Variants in ZNF837 observed in about 807,000 individuals in gnomAD.
ZNF837 encodes zinc finger protein 837.
For missense variants in ZNF837, 955 were observed against 801.7 expected (o/e 1.19, Z -2.31); for synonymous variants, 475 against 365.2 (o/e 1.30, Z -3.43).
intron 1 of ZNF837, among the ~76,000 whole-genome samples, chr19:58,375,755 C>T (rs1599926486): frequency 3.5e-5 from 5 of 141,108 alleles, no homozygotes; most frequent in Admixed American, 7.1e-5. Flanking sequence ...TGATTTATAT[C>T]TTTTTTTTTT....
chr19:58,369,247 G>T lies in ZNF837; in HGVS notation c.86C>A (p.Pro29His). ...QGASGAREKR[P>H]EEPRPLEEDR... ...CTCTTCGAGGGGCCTCGGCTCCTCGGGCCTCTTCTCCCGGGCCCCGGAGGC... is the reference window on the plus strand; with the variant it reads ...CTCTTCGAGGGGCCTCGGCTCCTCGTGCCTCTTCTCCCGGGCCCCGGAGGC... Residue 29 changes from proline (P) to histidine (H), a missense_variant, in exon 3 of 3, where the codon CCC (proline) becomes CAC (histidine). Pro to His is a moderately conservative substitution (Grantham distance 77). Transcript: ENST00000597582. The T allele has an allele frequency of 7.1e-7, 1 of 1,418,242 alleles. No individual in the cohort carries two copies. Among genetic ancestry groups the T allele is most frequent in the South Asian group, 1.5e-5 (1 of 65,456 alleles). 87.9% of individuals were successfully genotyped at this position (1,418,242 alleles called of 1,614,324 possible). A position where few individuals can be genotyped will look rare whatever the true frequency, so the allele number is the denominator to read the frequency against.
At chr19:58,380,420 G>A (rs1031317844) in intron 1 of ZNF837, among the ~76,000 whole-genome samples, 1 of 152,248 alleles carries the variant, frequency 6.6e-6, no homozygotes, top group Non-Finnish European at 1.5e-5. Context: ...ATGAACAAGA[G>A]ACCGTTTAAG....
At chr19:58,380,253 A>C (rs1368578760) in intron 1 of ZNF837, among the ~76,000 whole-genome samples, 1 of 152,236 alleles carries the variant, frequency 6.6e-6, no homozygotes. Flanking sequence ...CTCTGAGTGC[A>C]GGCACAGCTC....
intron 1 of ZNF837, 90 bp downstream of exon 1, chr19:58,380,851 G>C (rs1355122375): frequency 1.3e-5 from 2 of 152,302 alleles, no homozygotes; most frequent in African/African-American, 2.4e-5. Flanking sequence ...CGCGGAGGTG[G>C]AGAGGGGACT....
At chr19:58,376,814 T>C (rs1008147232) in intron 1 of ZNF837, among the ~76,000 whole-genome samples, 16 of 152,010 alleles carry the variant, frequency 1.1e-4, no homozygotes, top group African/African-American at 3.9e-4. Context: ...GTGTAGTGGC[T>C]TATGCCTATA....
Position 58,370,875 on chromosome 19 carries a change from A to G in ZNF837, c.-139-947T>C, listed in dbSNP as rs544069116. 2.0e-5 allele frequency among the ~76,000 whole-genome samples: 3 copies of G among 151,246 alleles called. No individual in the cohort carries two copies. In the South Asian group the frequency reaches 6.3e-4, roughly 32 times the overall value. Reference sequence around the variant, plus strand: ...GCACCATTGCACTCCAGCCTGGGCAACAAAAGTGAAACTCTTTCAAAAAAA... The same window carrying G: ...GCACCATTGCACTCCAGCCTGGGCAGCAAAAGTGAAACTCTTTCAAAAAAA... On this transcript the variant is annotated intron_variant, in intron 1 of 2. Transcript: ENST00000597582.
chr19:58,371,663 C>G (rs1205599086), intron 1 of ZNF837, among the ~76,000 whole-genome samples: 1 of 152,172 alleles, frequency 6.6e-6, no homozygotes, highest in Non-Finnish European at 1.5e-5. Flanking sequence ...TCAGATTCTT[C>G]TCCTTTTGTC....
intron 1 of ZNF837, among the ~76,000 whole-genome samples, chr19:58,370,950 G>T (rs1375765208): frequency 2.7e-3 from 3 of 1,116 alleles, no homozygotes; most frequent in Non-Finnish European, 7.6e-3. Context: ...GGTGAAGGCC[G>T]GGGGGGGGGA....
At chr19:58,377,865 C>G (rs549338018) in intron 1 of ZNF837, among the ~76,000 whole-genome samples, 49 of 152,318 alleles carry the variant, frequency 3.2e-4, no homozygotes, top group Non-Finnish European at 6.5e-4. Flanking sequence ...AGGCTGCCTG[C>G]TGGCTCCCAA....
At position 58,367,789 on chromosome 19, in the gene ZNF837, C is replaced by G. The variant is rs560569593; in HGVS notation, c.1544G>C (p.Arg515Pro). 3.3e-6 allele frequency: 5 copies of G among 1,536,166 alleles called. No homozygotes were observed. In the South Asian group the frequency reaches 4.8e-5, roughly 15 times the overall value. Residue 515 changes from arginine to proline, a missense_variant, in exon 3 of 3, where the codon CGC (arginine) becomes CCC (proline). Transcript: ENST00000597582. ...CGDCGRAFSQ[R>P]SNLNEHRKRH... ...CTTCCGGTGCTCGTTGAGGTTGGAG[C>G]GTTGGCTGAAGGCGCGGCCGCAATC...
At position 58,368,592 on chromosome 19, in the gene ZNF837, T is replaced by TG. The variant is rs1344847923; in HGVS notation, c.740dup (p.Val248SerfsTer4). On this transcript the variant is annotated frameshift_variant, in exon 3 of 3. Coordinates refer to ENST00000597582, the MANE Select transcript of ZNF837 (RefSeq NM_138466.2). LOFTEE classifies it low-confidence loss of function (END_TRUNC). Reference sequence around the variant, plus strand: ...AGGTTTGGCCGCACTCAGGACACACTGGGGGACTCTTGCCCGCCTGCTGCT... The same window carrying TG: ...AGGTTTGGCCGCACTCAGGACACACTGGGGGGACTCTTGCCCGCCTGCTGCT... 8.5e-6 allele frequency: 13 copies of TG among 1,535,368 alleles called. No homozygotes were observed. In the African/African-American group the frequency reaches 1.1e-4, roughly 13 times the overall value.
chr19:58,367,702 G>A lies in ZNF837; in HGVS notation c.*35C>T, dbSNP rs756187348. 2.0e-6 allele frequency: 3 copies of A among 1,466,094 alleles called. No homozygotes were observed. Among genetic ancestry groups the A allele is most frequent in the African/African-American group, 2.9e-5 (2 of 69,802 alleles). 90.8% of individuals were successfully genotyped at this position (1,466,094 alleles called of 1,614,324 possible). The stretch of plus-strand genomic sequence containing the variant: ...AAGGCCCCTCCTCGACGCAGGGTTC[G>A]CTTGGGCGACGCGTCGACTCTCGGC... On this transcript the variant is annotated 3_prime_UTR_variant, in exon 3 of 3. Transcript: ENST00000597582.
At position 58,367,930 on chromosome 19, in the gene ZNF837, A is replaced by G. The variant is rs2052151619; in HGVS notation, c.1403T>C (p.Leu468Pro). Residue 468 changes from leucine to proline, a missense_variant, in exon 3 of 3, where the codon CTG becomes CCG. Physicochemically the swap from Leu to Pro is moderately conservative, Grantham distance 98 (BLOSUM62 -3). Transcript: ENST00000597582. ...GCSELRQHER[L>P]HSGEKPYICR... Reference sequence around the variant, plus strand: ...GATGTAGGGCTTCTCGCCCGAGTGCAGGCGCTCGTGCTGGCGCAGCTCGGA... The same window carrying G: ...GATGTAGGGCTTCTCGCCCGAGTGCGGGCGCTCGTGCTGGCGCAGCTCGGA... The G allele has an allele frequency of 2.0e-6, 3 of 1,534,118 alleles. No homozygotes were observed. The highest frequency in any genetic ancestry group is 1.2e-5 in the South Asian group (1 of 83,842).
chr19:58,377,736 C>G (rs1250952293), intron 1 of ZNF837, among the ~76,000 whole-genome samples: 1 of 152,188 alleles, frequency 6.6e-6, no homozygotes, highest in Non-Finnish European at 1.5e-5. Context: ...GGCACACACC[C>G]AAGGGCACTG....
chr19:58,371,181 C>T (rs1308561826), intron 1 of ZNF837, among the ~76,000 whole-genome samples: 1 of 147,674 alleles, frequency 6.8e-6, no homozygotes, highest in African/African-American at 2.5e-5. Flanking sequence ...GCGGAGCTTG[C>T]AGTGAGCCGA....
At chr19:58,376,044 G>C (rs1248805183) in intron 1 of ZNF837, among the ~76,000 whole-genome samples, 3 of 151,662 alleles carry the variant, frequency 2.0e-5, no homozygotes, top group African/African-American at 4.8e-5. Flanking sequence ...TCAGCCTGGC[G>C]AGTAGCTGGG....
intron 1 of ZNF837, among the ~76,000 whole-genome samples, chr19:58,372,601 A>ACGGAGGGTGGTCCCGGGGCTAC: frequency 6.6e-6 from 1 of 152,358 alleles, no homozygotes; most frequent in East Asian, 1.9e-4. Context: ...AAAAGGACTC[A>ACGGAGGGTGGTCCCGGGGCTAC]CGAAGCATTT....
intron 1 of ZNF837, among the ~76,000 whole-genome samples, chr19:58,378,906 C>G (rs930862765): frequency 6.6e-6 from 1 of 152,098 alleles, no homozygotes; most frequent in African/African-American, 2.4e-5. Context: ...CGCCAGAAGC[C>G]GGAAGAGGCA....
At chr19:58,379,704 G>T (rs1052805151) in intron 1 of ZNF837, among the ~76,000 whole-genome samples, 1 of 152,216 alleles carries the variant, frequency 6.6e-6, no homozygotes, top group African/African-American at 2.4e-5. Context: ...TAGGGGGACT[G>T]AGAGGTTAAC....
Sources: gnomAD v4.1 joint callset for allele counts (sites outside exome capture counted in the v4.1 genomes callset) on GRCh38, gnomAD v4.1.1 for gene constraint, MANE v1.5 for transcripts, NCBI Gene and HGNC (gene_info 2026-07-23, HGNC 2026-07-21) for gene names.